The following EFNA5 variants were observed in gnomAD, a reference collection of about 807,000 sequenced individuals.
The protein encoded by EFNA5 is ephrin A5.
EFNA5 carries 5 observed loss-of-function variants against 22.9 expected under a neutral mutation model. The observed-to-expected ratio is 0.22, with a 90% CI of 0.11 to 0.46. The LOEUF is 0.46. Ranked by LOEUF, EFNA5 falls within the 20% of genes least tolerant of loss-of-function variation. The pLI, the probability that EFNA5 is intolerant of heterozygous loss-of-function variation, is 0.99. For synonymous variants in EFNA5, 113 were observed against 112.2 expected, an observed-to-expected ratio of 1.01 and a Z score of -0.04; for missense variants, 237 against 293.3, an observed-to-expected ratio of 0.81 and a Z score of 1.40.
At chr5:107,626,890 C>A (rs1750152944) in intron 1 of EFNA5, among the ~76,000 whole-genome samples, 2 of 152,112 alleles carry the variant, frequency 1.3e-5, no homozygotes, top group South Asian at 4.1e-4. Context: ...GATGCCTAGA[C>A]CACCCCAGAC....
chr5:107,396,942 T>G (rs1022865516), intron 2 of EFNA5, among the ~76,000 whole-genome samples: 1 of 152,184 alleles, frequency 6.6e-6, no homozygotes, highest in Admixed American at 6.5e-5. Context: ...GTGTTGAGAC[T>G]GCTTTTGCAA....
intron 1 of EFNA5, among the ~76,000 whole-genome samples, chr5:107,470,315 G>A (rs1314410004): frequency 6.6e-6 from 1 of 152,178 alleles, no homozygotes; most frequent in Non-Finnish European, 1.5e-5. Context: ...AATAGCCAGA[G>A]ATGCTATTTT....
At chr5:107,400,223 GAAT>G (rs1295487982) in intron 2 of EFNA5, among the ~76,000 whole-genome samples, 1 of 151,774 alleles carries the variant, frequency 6.6e-6, no homozygotes, top group African/African-American at 2.4e-5. Context: ...CTTATATATA[GAAT>G]AAAACATATA....
At chr5:107,654,416 A>G (rs1384165937) in intron 1 of EFNA5, among the ~76,000 whole-genome samples, 1 of 152,136 alleles carries the variant, frequency 6.6e-6, no homozygotes, top group Non-Finnish European at 1.5e-5. Context: ...TACTAAAATG[A>G]TTAAGGCTAT....
intron 1 of EFNA5, among the ~76,000 whole-genome samples, chr5:107,648,703 T>C (rs1180759946): frequency 3.3e-5 from 5 of 152,128 alleles, no homozygotes; most frequent in East Asian, 1.9e-4. Context: ...GTTGAATATA[T>C]GTCACACATT....
chr5:107,461,465 T>C (rs1749832742), intron 1 of EFNA5, among the ~76,000 whole-genome samples: 1 of 151,886 alleles, frequency 6.6e-6, no homozygotes, highest in African/African-American at 2.4e-5. Flanking sequence ...AGAGGCCCAA[T>C]GTGTCAGACA....
chr5:107,546,938 T>C (rs760219992), intron 1 of EFNA5, among the ~76,000 whole-genome samples: 2 of 152,150 alleles, frequency 1.3e-5, no homozygotes, highest in African/African-American at 2.4e-5. Flanking sequence ...TGGTGATGAA[T>C]TGATATTTGC....
chr5:107,587,081 T>G (rs9328009), intron 1 of EFNA5, among the ~76,000 whole-genome samples: 3 of 152,168 alleles, frequency 2.0e-5, no homozygotes, highest in Non-Finnish European at 4.4e-5. Flanking sequence ...TATGTCTCAG[T>G]AAAATGTAGA....
intron 1 of EFNA5, among the ~76,000 whole-genome samples, chr5:107,528,586 T>TC (rs1359736669): frequency 6.6e-6 from 1 of 152,172 alleles, no homozygotes; most frequent in Non-Finnish European, 1.5e-5. Flanking sequence ...CTAGCTAACT[T>TC]CCATACACCT....
intron 1 of EFNA5, among the ~76,000 whole-genome samples, chr5:107,611,971 T>C (rs1580559736): frequency 6.6e-6 from 1 of 152,248 alleles, no homozygotes; most frequent in East Asian, 1.9e-4. Context: ...TCTGTTCCTA[T>C]CTGCACAATA....
rs536471414 is a variant in EFNA5 at position 107,578,452 on chromosome 5, G to A, written c.125+92037C>T. 1.4e-4 allele frequency among the ~76,000 whole-genome samples: 22 copies of A among 152,284 alleles called. No homozygotes were observed. In the South Asian group the frequency reaches 1.9e-3, roughly 13 times the overall value. On this transcript the variant is annotated intron_variant, in intron 1 of 4. Transcript: ENST00000333274. ...AGAGAGTCCCAAGAGGGGGCCACAC[G>A]AGGCCAAAACCAGTTCCCAGTTCTA...
chr5:107,660,643 T>C (rs572851001), intron 1 of EFNA5, among the ~76,000 whole-genome samples: 107 of 152,226 alleles, frequency 7.0e-4, no homozygotes, highest in African/African-American at 2.4e-3. Context: ...AAATTATCAC[T>C]TGTGATACAA....
chr5:107,454,184 T>A (rs977632424), intron 1 of EFNA5, among the ~76,000 whole-genome samples: 33 of 152,158 alleles, frequency 2.2e-4, no homozygotes, highest in African/African-American at 7.7e-4. Context: ...TGCATTCATA[T>A]TTTGTCACTG....
At chr5:107,421,292 CAG>C (rs998526141) in intron 2 of EFNA5, among the ~76,000 whole-genome samples, 1 of 152,172 alleles carries the variant, frequency 6.6e-6, no homozygotes, top group Non-Finnish European at 1.5e-5. Flanking sequence ...CATAGTAACA[CAG>C]AATGTCCTAG....
intron 1 of EFNA5, among the ~76,000 whole-genome samples, chr5:107,565,233 C>G (rs1748640430): frequency 6.6e-6 from 1 of 152,104 alleles, no homozygotes; most frequent in Non-Finnish European, 1.5e-5. Context: ...CGCTGAAAGA[C>G]CACAGAGTAG....
At chr5:107,547,701 T>TA (rs11295377) in intron 1 of EFNA5, among the ~76,000 whole-genome samples, 5 of 151,442 alleles carry the variant, frequency 3.3e-5, no homozygotes, top group East Asian at 1.9e-4. Flanking sequence ...TTTTTAACCA[T>TA]AAAAAAAAAG....
At chr5:107,450,846 A>G (rs1302004963) in intron 1 of EFNA5, among the ~76,000 whole-genome samples, 1 of 152,246 alleles carries the variant, frequency 6.6e-6, no homozygotes, top group African/African-American at 2.4e-5. Flanking sequence ...AATATTAAAA[A>G]GTCACAGTGC....
At chr5:107,557,435 CAGG>C (rs1453892024) in intron 1 of EFNA5, among the ~76,000 whole-genome samples, 7 of 152,144 alleles carry the variant, frequency 4.6e-5, no homozygotes, top group African/African-American at 1.7e-4. Flanking sequence ...CACGCTGCCT[CAGG>C]AACCACGCAG....
chr5:107,612,919 G>A (rs1206681043), intron 1 of EFNA5, among the ~76,000 whole-genome samples: 1 of 152,098 alleles, frequency 6.6e-6, no homozygotes, highest in East Asian at 1.9e-4. Flanking sequence ...AAACTCAGTA[G>A]CAAAACAGGG....
Sources: allele counts gnomAD v4.1 joint callset (sites outside exome capture counted in the v4.1 genomes callset), GRCh38; gene constraint gnomAD v4.1.1; transcripts MANE v1.5; gene names NCBI Gene and HGNC (gene_info 2026-07-23, HGNC 2026-07-21).